LYAR: variants seen among roughly 807,000 people sequenced by gnomAD.
LYAR encodes cell growth-regulating nucleolar protein.
LYAR carries 37 observed loss-of-function variants against 45.2 expected under a neutral mutation model. The ratio of observed to expected loss-of-function variants is 0.82; its 90% CI spans 0.63 to 1.08. LYAR has a LOEUF of 1.08. LYAR is among the 50% of genes least tolerant of loss of function. The pLI is 0.00. For synonymous variants in LYAR, 176 were observed against 155.1 expected, an observed-to-expected ratio of 1.14 and a Z score of -1.00; for missense variants, 493 against 451.0, an observed-to-expected ratio of 1.09 and a Z score of -0.84.
chr4:4,269,508 T>C (rs1325990645), intron 8 of LYAR, among the ~76,000 whole-genome samples: 1 of 152,108 alleles, frequency 6.6e-6, no homozygotes, highest in Non-Finnish European at 1.5e-5. Context: ...AGGCCGGTCA[T>C]GAGGCTGCCC....
chr4:4,278,553 T>C (rs1719279069), intron 6 of LYAR, among the ~76,000 whole-genome samples: 1 of 152,138 alleles, frequency 6.6e-6, no homozygotes, highest in African/African-American at 2.4e-5. Flanking sequence ...ACCGTAACCT[T>C]CAGAGGCTGC....
chr4:4,276,121 C>A (rs1719168425), intron 6 of LYAR, among the ~76,000 whole-genome samples: 1 of 152,192 alleles, frequency 6.6e-6, no homozygotes. Context: ...TGGAGCAATT[C>A]ATTGAACTGT....
intron 8 of LYAR, 54 bp from the exon 9 acceptor site, chr4:4,268,669 G>A (rs746916916): frequency 8.0e-6 from 10 of 1,242,730 alleles, no homozygotes; most frequent in Non-Finnish European, 1.2e-5. Flanking sequence ...ACTACGAGAA[G>A]GGTAAAGAAA....
intron 4 of LYAR, among the ~76,000 whole-genome samples, chr4:4,280,823 G>T (rs115375884): frequency 6.6e-6 from 1 of 152,270 alleles, no homozygotes; most frequent in Non-Finnish European, 1.5e-5. Context: ...AAAAATTCAC[G>T]TTCCAACTCT....
Position 4,279,673 on chromosome 4 carries a change from T to A in LYAR, c.314A>T (p.Asp105Val), listed in dbSNP as rs778574400. ...TTTTGCCTTTTTCCTGGGAACGTTG[T>A]CAAAAGCACTAATTTGCTCTAAAAG... ...RELLEQISAF[D>V]NVPRKKAKFQ... The change falls in exon 5 of 10, where the codon GAC (aspartate) becomes GTC (valine). Residue 105 changes from aspartate to valine, a missense_variant. Asp to Val is a radical substitution (Grantham distance 152). Coordinates refer to ENST00000343470, the MANE Select transcript of LYAR (RefSeq NM_017816.3). The A allele has an allele frequency of 9.9e-6, 16 of 1,613,996 alleles. No individual in the cohort carries two copies. Among genetic ancestry groups the A allele is most frequent in the Admixed American group, 1.7e-5 (1 of 59,972 alleles).
At chr4:4,275,522 G>A (rs533732049) in intron 6 of LYAR, among the ~76,000 whole-genome samples, 1 of 151,150 alleles carries the variant, frequency 6.6e-6, no homozygotes, top group South Asian at 2.1e-4. Flanking sequence ...TCAGCTCACT[G>A]CAACCTCCAG....
Position 4,274,360 on chromosome 4 carries a change from C to T in LYAR, c.832+7G>A, listed in dbSNP as rs1156618535. On this transcript the variant is annotated splice_region_variant and intron_variant, in intron 7 of 9. Transcript: ENST00000343470. The stretch of plus-strand genomic sequence containing the variant: ...GATGAATCCCAGAGCGTGAGCTAGC[C>T]ACTTACCTTCCGAGTGCCTCCGCTT... 6.8e-6 allele frequency: 11 copies of T among 1,606,812 alleles called. No individual in the cohort carries two copies. Among genetic ancestry groups the T allele is most frequent in the Non-Finnish European group, 8.5e-6 (10 of 1,175,718 alleles).
intron 1 of LYAR, among the ~76,000 whole-genome samples, chr4:4,286,789 G>A (rs781366670): frequency 1.3e-3 from 204 of 152,062 alleles, no homozygotes; most frequent in African/African-American, 4.5e-3. Context: ...TGGGATTACA[G>A]GCATCCGCCA....
At position 4,284,618 on chromosome 4, in the gene LYAR, C is replaced by A. The variant is rs199747268; in HGVS notation, c.-53-823G>T. Among the ~76,000 whole-genome samples the A allele has an allele frequency of 7.2e-5, 11 of 152,226 alleles. No homozygotes were observed. In the East Asian group the frequency reaches 2.1e-3, roughly 29 times the overall value. On this transcript the variant is annotated intron_variant, in intron 2 of 9. Transcript: ENST00000343470. ...CCCCAAAAAGAAGTATGTCTGCACA[C>A]GCACATAAACATCATTGTAAAATTT...
intron 6 of LYAR, among the ~76,000 whole-genome samples, chr4:4,277,152 T>C (rs1358321895): frequency 6.6e-6 from 1 of 152,118 alleles, no homozygotes; most frequent in Non-Finnish European, 1.5e-5. Flanking sequence ...GTTCAAATGA[T>C]TCTTGTGCCT....
At chr4:4,273,139 C>G (rs931097667) in intron 8 of LYAR, among the ~76,000 whole-genome samples, 2 of 152,178 alleles carry the variant, frequency 1.3e-5, no homozygotes, top group Non-Finnish European at 2.9e-5. Context: ...CGAAAGGGAA[C>G]CGGGTCTCAG....
chr4:4,276,277 C>T (rs1401246724), intron 6 of LYAR, among the ~76,000 whole-genome samples: 1 of 152,170 alleles, frequency 6.6e-6, no homozygotes, highest in Non-Finnish European at 1.5e-5. Flanking sequence ...AAGTTACCTA[C>T]AGTCTTCCTC....
Position 4,274,574 on chromosome 4 carries a change from C to T in LYAR, c.625G>A (p.Glu209Lys), listed in dbSNP as rs1387651485. The change falls in exon 7 of 10, where the codon GAA (glutamate) becomes AAA (lysine). Residue 209 changes from glutamate to lysine, a missense_variant. Physicochemically the swap from Glu to Lys is moderately conservative, Grantham distance 56. Coordinates refer to ENST00000343470, the MANE Select transcript of LYAR (RefSeq NM_017816.3). ...TTCCTTGAGTTTTCCTGGTGGTTTT[C>T]TAACTTTAGTTCTTTCTTTTCTCTT... ...RKREKKELKL[E>K]NHQENSRNQK... 1 of 1,613,664 alleles carries T rather than the reference C, an allele frequency of 6.2e-7. No individual in the cohort carries two copies. Among genetic ancestry groups the T allele is most frequent in the Non-Finnish European group, 8.5e-7 (1 of 1,179,946 alleles).
intron 5 of LYAR, 30 bp downstream of exon 5, chr4:4,279,612 C>A (rs1427350371): frequency 3.2e-6 from 5 of 1,582,780 alleles, no homozygotes; most frequent in Non-Finnish European, 4.3e-6. Context: ...GGCCACACGG[C>A]CCCCTCCATT....
chr4:4,281,001 T>C (rs1719370146), intron 4 of LYAR, among the ~76,000 whole-genome samples: 1 of 152,162 alleles, frequency 6.6e-6, no homozygotes, highest in South Asian at 2.1e-4. Flanking sequence ...CCCAGTGAAT[T>C]AGGGAGTCAA....
intron 1 of LYAR, 74 bp from the exon 2 acceptor site, chr4:4,286,646 C>CTTTTTTTTTTTTT (rs11364697): frequency 1.6e-5 from 2 of 128,594 alleles, no homozygotes; most frequent in African/African-American, 2.9e-5. Flanking sequence ...TTTAATTAAA[C>CTTTTTTTTTTTTT]TTTTTTTTTT....
chr4:4,277,315 G>A (rs1719221207), intron 6 of LYAR, among the ~76,000 whole-genome samples: 1 of 152,116 alleles, frequency 6.6e-6, no homozygotes, highest in Admixed American at 6.5e-5. Flanking sequence ...CCAAAGTGCT[G>A]GGATTATAGG....
At chr4:4,279,240 C>G (rs183121074) in intron 6 of LYAR, among the ~76,000 whole-genome samples, 1 of 151,874 alleles carries the variant, frequency 6.6e-6, no homozygotes, top group Admixed American at 6.6e-5. Context: ...GGCTGAGACA[C>G]GAGAATTGCT....
intron 7 of LYAR, among the ~76,000 whole-genome samples, 151 bp downstream of exon 7, chr4:4,274,214 GCA>G (rs1359798464): frequency 1.3e-5 from 2 of 151,526 alleles, no homozygotes; most frequent in Non-Finnish European, 2.9e-5. Flanking sequence ...TCCAGCCTGG[GCA>G]ACAGAGCAAG....
Sources: allele counts gnomAD v4.1 joint callset (sites outside exome capture counted in the v4.1 genomes callset), GRCh38; gene constraint gnomAD v4.1.1; transcripts MANE v1.5; gene names NCBI Gene and HGNC (gene_info 2026-07-23, HGNC 2026-07-21).